FAM83G: variants seen among roughly 807,000 people sequenced by gnomAD.
FAM83G encodes protein FAM83G.
Under a neutral mutation model 61.5 loss-of-function variants are expected in FAM83G, and 38 were observed. The observed-to-expected ratio is 0.62, with a 90% confidence interval of 0.48 to 0.81. The LOEUF is 0.81. Ranked by LOEUF, FAM83G falls within the 30% of genes least tolerant of loss-of-function variation. FAM83G has a pLI of 0.00. For synonymous variants in FAM83G, 470 were observed against 476.1 expected, an observed-to-expected ratio of 0.99 and a Z score of 0.17; for missense variants, 989 against 1,133.6, an observed-to-expected ratio of 0.87 and a Z score of 1.83.
Position 19,003,781 on chromosome 17 carries a change from AGAGGGGCCC to A in FAM83G, c.252_260del (p.Gly85_Ser87del). On this transcript the variant is annotated inframe_deletion, in exon 2 of 6. Transcript: ENST00000388995. This position sits in a 1 kb window ranked among gnomAD's most constrained non-coding sequence, Gnocchi z 4.5. ...CGACCCCATTGTCCTCGGGCCCCTG[AGAGGGGCCC>A]GTGCCCCGAGGGTCCTCAGAGCCCG... 1 of 1,610,978 alleles carries A rather than the reference AGAGGGGCCC, an allele frequency of 6.2e-7. No homozygotes were observed. The highest frequency in any genetic ancestry group is 1.3e-5 in the African/African-American group (1 of 74,828).
At position 19,004,172 on chromosome 17, in the gene FAM83G, G is replaced by A; in HGVS notation, c.-128-3C>T. The A allele has an allele frequency of 1.1e-6, 1 of 898,334 alleles. No homozygotes were observed. Among genetic ancestry groups the A allele is most frequent in the South Asian group, 1.8e-5 (1 of 54,952 alleles). 55.6% of individuals were successfully genotyped at this position (898,334 alleles called of 1,614,324 possible). On this transcript the variant is annotated splice_region_variant and splice_polypyrimidine_tract_variant and intron_variant, in intron 1 of 5. Coordinates refer to ENST00000388995, the MANE Select transcript of FAM83G (RefSeq NM_001039999.3). The surrounding 1 kb of genome is among the most constrained non-coding windows in gnomAD (Gnocchi z 5.4). ...CTGCTTCTCTGCCCATGAGCAATCT[G>A]CGGGAAAGACCTGATGAGCCCGGCT...
In FAM83G at chr17:19,003,723, C is replaced by G; in HGVS notation, c.319G>C (p.Val107Leu). ...GGCAGCGGCTCGGCCTCGATGGGGACCCCATCCGCCCCGCTGGCTTCCTCG... is the reference window on the plus strand; with the variant it reads ...GGCAGCGGCTCGGCCTCGATGGGGAGCCCATCCGCCCCGCTGGCTTCCTCG... ...DGEEASGADG[V>L]PIEAEPLPSL... The change falls in exon 2 of 6, where the codon GTC becomes CTC. Residue 107 changes from valine to leucine, a missense_variant. By Grantham distance (32) the Val-to-Leu change is conservative. Around this residue, in one of 3 missense-constraint regions of FAM83G, gnomAD observed 371 missense variants for 404.5 expected, o/e 0.92. Transcript: ENST00000388995. The surrounding 1 kb of genome is among the most constrained non-coding windows in gnomAD (Gnocchi z 4.5). The G allele has an allele frequency of 1.2e-6, 2 of 1,603,702 alleles. No homozygotes were observed. Among genetic ancestry groups the G allele is most frequent in the Non-Finnish European group, 1.7e-6 (2 of 1,174,922 alleles).
rs1394750012 is a variant in FAM83G at position 18,969,925 on chromosome 17, CT to C, written c.*1433del. ...TGGAACAGATAGGAAACTCACAGGG[CT>C]GCCCGGAGAGAGCGTGAGCTCACCG... On this transcript the variant is annotated 3_prime_UTR_variant, in exon 6 of 6. Coordinates refer to ENST00000388995, the MANE Select transcript of FAM83G (RefSeq NM_001039999.3). 6.5e-6 allele frequency: 1 copy of C among 153,776 alleles called. No homozygotes were observed. Among genetic ancestry groups the C allele is most frequent in the African/African-American group, 2.4e-5 (1 of 41,508 alleles). 9.5% of individuals were successfully genotyped at this position (153,776 alleles called of 1,614,324 possible). A position where few individuals can be genotyped will look rare whatever the true frequency, so the allele number is the denominator to read the frequency against.
intron 2 of FAM83G, among the ~76,000 whole-genome samples, chr17:18,997,162 C>T (rs1300595767): frequency 3.9e-5 from 6 of 152,254 alleles, no homozygotes; most frequent in Admixed American, 2.0e-4. Flanking sequence ...GGTCAAGAAG[C>T]CCAGGCTAAT....
rs1387067441 is a variant in FAM83G at position 18,971,951 on chromosome 17, C to T, written c.2083-203G>A. ...TCTGTAATATGGGAATAATCCTGCC[C>T]TTTGTGGGTGTAGCAAGGCAGCTTC... On this transcript the variant is annotated intron_variant, in intron 5 of 5. Coordinates refer to ENST00000388995, the MANE Select transcript of FAM83G (RefSeq NM_001039999.3). The surrounding 1 kb of genome is among the most constrained non-coding windows in gnomAD (Gnocchi z 5.5). Among the ~76,000 whole-genome samples, 1 of 152,206 alleles carries T rather than the reference C, an allele frequency of 6.6e-6. No homozygotes were observed. Among genetic ancestry groups the T allele is most frequent in the Non-Finnish European group, 1.5e-5 (1 of 68,032 alleles).
chr17:18,981,345 C>A (rs1023169530), intron 3 of FAM83G, among the ~76,000 whole-genome samples: 5 of 152,090 alleles, frequency 3.3e-5, no homozygotes, highest in Non-Finnish European at 7.4e-5. Flanking sequence ...ATGGAGCCTG[C>A]AGAGCGAGCA....
Position 18,977,673 on chromosome 17 carries a change from C to T in FAM83G, c.1993G>A (p.Gly665Ser), listed in dbSNP as rs75425060. Reference sequence around the variant, plus strand: ...CCCCGACTCTGGGCCCATGGGGAGCCACCCTGGGGTCCAACAAAGGTCCCT... The same window carrying T: ...CCCCGACTCTGGGCCCATGGGGAGCTACCCTGGGGTCCAACAAAGGTCCCT... ...TRGTFVGPQG[G>S]SPWAQSRGRE... Residue 665 changes from glycine to serine, a missense_variant, in exon 5 of 6, where the codon GGC becomes AGC. Gly to Ser is a moderately conservative substitution (Grantham distance 56). Coordinates refer to ENST00000388995, the MANE Select transcript of FAM83G (RefSeq NM_001039999.3). 7.8e-4 allele frequency: 1,255 copies of T among 1,610,520 alleles called. 22 individuals are homozygous for T. In the East Asian group the frequency reaches 0.022, roughly 28 times the overall value.
At position 18,978,732 on chromosome 17, in the gene FAM83G, G is replaced by T; in HGVS notation, c.934C>A (p.Leu312Ile). 6.2e-7 allele frequency: 1 copy of T among 1,613,008 alleles called. No individual in the cohort carries two copies. The part of the protein sequence containing the change: ...ELYLMSHSVS[L>I]KGIPMEKEPE... Reference sequence around the variant, plus strand: ...TCCTTCTCCATAGGGATGCCCTTGAGGCTCACACTGTGTGACATGAGGTAC... The same window carrying T: ...TCCTTCTCCATAGGGATGCCCTTGATGCTCACACTGTGTGACATGAGGTAC... The change falls in exon 5 of 6, where the codon CTC (leucine) becomes ATC (isoleucine). Residue 312 changes from leucine (L) to isoleucine (I), a missense_variant. Transcript: ENST00000388995.
intron 2 of FAM83G, among the ~76,000 whole-genome samples, chr17:18,999,733 C>T (rs1208056543): frequency 6.6e-6 from 1 of 152,242 alleles, no homozygotes; most frequent in African/African-American, 2.4e-5. Flanking sequence ...AATCAGGCTT[C>T]GTGAAACCTG....
chr17:18,993,536 G>A (rs2043485151), intron 2 of FAM83G, among the ~76,000 whole-genome samples: 1 of 152,148 alleles, frequency 6.6e-6, no homozygotes, highest in South Asian at 2.1e-4. Context: ...GAGAGAGGCG[G>A]CCATATTCTC....
intron 2 of FAM83G, among the ~76,000 whole-genome samples, chr17:18,994,804 G>C (rs1350772613): frequency 6.6e-6 from 1 of 152,186 alleles, no homozygotes; most frequent in Admixed American, 6.5e-5. Context: ...TATGTTCTCT[G>C]TCACAACTAC....
Position 18,969,073 on chromosome 17 carries a change from C to CT in FAM83G, c.*2285dup, listed in dbSNP as rs1290113380. ...GCAGCTGGACCTGTACGCGGGGGCTCTGTTTGTGCACATCTGCCTGGGCTG... is the reference window on the plus strand; with the variant it reads ...GCAGCTGGACCTGTACGCGGGGGCTCTTGTTTGTGCACATCTGCCTGGGCTG... On this transcript the variant is annotated 3_prime_UTR_variant, in exon 6 of 6. Transcript: ENST00000388995. 1 of 1,614,040 alleles carries CT rather than the reference C, an allele frequency of 6.2e-7. No homozygotes were observed.
rs775474115 is a variant in FAM83G, at chr17:19,003,599, C to A, written c.443G>T (p.Ser148Ile). 1.2e-5 allele frequency: 19 copies of A among 1,610,300 alleles called. No individual in the cohort carries two copies. The highest frequency in any genetic ancestry group is 2.7e-5 in the African/African-American group (2 of 74,832). ...TIAYRGVTRA[S>I]VYMQPPIDGQ... ...GTCTATGGGGGGCTGCATGTAGACG[C>A]TAGCCCGGGTCACGCCGCGGTAGGC... Residue 148 changes from serine to isoleucine, a missense_variant, in exon 2 of 6, where the codon AGC (serine) becomes ATC (isoleucine). Around this residue, in one of 3 missense-constraint regions of FAM83G, gnomAD observed 371 missense variants for 404.5 expected, o/e 0.92. Transcript: ENST00000388995. The surrounding 1 kb of genome is among the most constrained non-coding windows in gnomAD (Gnocchi z 4.5).
In FAM83G at chr17:18,970,533, CAG is replaced by C; in HGVS notation, c.*824_*825del. ...ACCTGTCTCCCTCTTCTCTGTGCCT[CAG>C]GGGGTGGGGCCACATCACCACCAGC... On this transcript the variant is annotated 3_prime_UTR_variant, in exon 6 of 6. Transcript: ENST00000388995. The C allele has an allele frequency of 5.6e-6, 1 of 178,044 alleles. No individual in the cohort carries two copies. The highest frequency in any genetic ancestry group is 1.2e-4 in the South Asian group (1 of 8,052). The allele number at this position is 178,044 out of a possible 1,614,324, so 11.0% of individuals were successfully genotyped here.
chr17:18,971,684 C>T lies in FAM83G; in HGVS notation c.2147G>A (p.Gly716Glu), dbSNP rs897918557. 1.2e-6 allele frequency: 2 copies of T among 1,608,836 alleles called. No individual in the cohort carries two copies. Among genetic ancestry groups the T allele is most frequent in the African/African-American group, 1.3e-5 (1 of 74,786 alleles). Residue 716 changes from glycine (G) to glutamate (E), a missense_variant, in exon 6 of 6, where the codon GGA becomes GAA. Physicochemically the swap from Gly to Glu is moderately conservative, Grantham distance 98. Transcript: ENST00000388995. This position sits in a 1 kb window ranked among gnomAD's most constrained non-coding sequence, Gnocchi z 5.5. The part of the protein sequence containing the change: ...SGTRDKDGFP[G>E]PPRYRSAADS... ...AGCAGCAGAGCGGTACCTAGGGGGT[C>T]CTGGGAAGCCGTCTTTATCCCTAGT...
At position 18,969,376 on chromosome 17, in the gene FAM83G, G is replaced by A. The variant is rs1315942844; in HGVS notation, c.*1983C>T. 6.8e-6 allele frequency: 11 copies of A among 1,613,618 alleles called. No individual in the cohort carries two copies. The highest frequency in any genetic ancestry group is 1.3e-5 in the African/African-American group (1 of 74,938). ...CTGCTGTAATCTACACGGACGCCCT[G>A]CAGACGCTCATCATGGTGGTGGGGG... On this transcript the variant is annotated 3_prime_UTR_variant, in exon 6 of 6. Coordinates refer to ENST00000388995, the MANE Select transcript of FAM83G (RefSeq NM_001039999.3).
At chr17:18,983,994 T>C (rs1351440081) in intron 3 of FAM83G, among the ~76,000 whole-genome samples, 1 of 152,134 alleles carries the variant, frequency 6.6e-6, no homozygotes, top group Non-Finnish European at 1.5e-5. Context: ...ACCCCCAAGG[T>C]GGACAGTTAA....
Position 18,978,687 on chromosome 17 carries a change from C to T in FAM83G, c.979G>A (p.Val327Met), listed in dbSNP as rs1473928240. 6.2e-7 allele frequency: 1 copy of T among 1,612,876 alleles called. No individual in the cohort carries two copies. Among genetic ancestry groups the T allele is most frequent in the African/African-American group, 1.3e-5 (1 of 74,896 alleles). Residue 327 changes from valine to methionine, a missense_variant, in exon 5 of 6, where the codon GTG (valine) becomes ATG (methionine). Coordinates refer to ENST00000388995, the MANE Select transcript of FAM83G (RefSeq NM_001039999.3). Reference protein sequence around the residue: ...MEKEPEPEPIVLPSVVPLVPA... With the variant: ...MEKEPEPEPIMLPSVVPLVPA... ...ACCAGGGGGACCACAGAGGGCAGCA[C>T]AATAGGCTCCGGCTCCGGTTCCTTC...
At chr17:18,987,171 C>T (rs562297716) in intron 3 of FAM83G, among the ~76,000 whole-genome samples, 2 of 152,232 alleles carry the variant, frequency 1.3e-5, no homozygotes, top group African/African-American at 4.8e-5. Flanking sequence ...CCTAGGACCA[C>T]AAGCCTGAAA....
Sources: gnomAD v4.1 joint callset for allele counts (sites outside exome capture counted in the v4.1 genomes callset) on GRCh38, gnomAD v4.1.1 for gene constraint, gnomAD v4.1.1 regional missense constraint, Gnocchi (gnomAD v3.1) non-coding constraint, MANE v1.5 for transcripts, NCBI Gene and HGNC (gene_info 2026-07-23, HGNC 2026-07-21) for gene names.